The following VPS53 variants were observed in gnomAD, a reference collection of about 807,000 sequenced individuals.
VPS53 encodes the protein vacuolar protein sorting-associated protein 53 homolog.
In VPS53, 70 loss-of-function variants were observed where a neutral mutation model predicts 107.0. That is an observed-to-expected ratio of 0.65 (90% CI 0.54 to 0.80). The LOEUF (loss-of-function observed/expected upper bound fraction) is 0.80. Among genes scored for constraint, VPS53 ranks in the 30% least tolerant of loss-of-function variants. The pLI, the probability that VPS53 is intolerant of heterozygous loss-of-function variation, is 0.00. For synonymous variants in VPS53, 409 were observed against 393.3 expected (o/e 1.04, Z -0.47); for missense variants, 917 against 1,049.4 (o/e 0.87, Z 1.74).
intron 1 of VPS53, among the ~76,000 whole-genome samples, chr17:713,767 TGG>T (rs1973732053): frequency 1.4e-5 from 2 of 147,410 alleles, no homozygotes; most frequent in Admixed American, 6.7e-5. Flanking sequence ...GGGCCGCGCG[TGG>T]TGGCTCACGC....
chr17:640,476 C>T (rs1166437033), intron 7 of VPS53, among the ~76,000 whole-genome samples: 2 of 152,066 alleles, frequency 1.3e-5, no homozygotes, highest in Non-Finnish European at 2.9e-5. Flanking sequence ...AGAAATCACC[C>T]GTCTTCTGCG....
rs1420421808 is a variant in VPS53, at chr17:511,022, T to C, written c.*8106A>G. On this transcript the variant is annotated 3_prime_UTR_variant, in exon 22 of 22. Transcript: ENST00000437048. ...CTGTGTGTAAACTGATGTTTCTTTA[T>C]ACAGCATTTGATATTGGGTGTAGGT... 5 of 152,338 alleles carry C rather than the reference T, an allele frequency of 3.3e-5. No individual in the cohort carries two copies. The highest frequency in any genetic ancestry group is 1.2e-4 in the African/African-American group (5 of 41,398). 9.4% of individuals were successfully genotyped at this position (152,338 alleles called of 1,614,324 possible).
intron 18 of VPS53, 119 bp downstream of exon 18, chr17:536,909 G>A: frequency 2.3e-6 from 3 of 1,310,214 alleles, no homozygotes; most frequent in East Asian, 2.5e-5. Context: ...GGGGGGGTCA[G>A]GTACACGGGA....
chr17:632,034 G>C (rs1969988107), intron 7 of VPS53, among the ~76,000 whole-genome samples: 2 of 152,144 alleles, frequency 1.3e-5, no homozygotes, highest in South Asian at 4.1e-4. Flanking sequence ...GGTCGCTTGA[G>C]ACCAGGATTT....
chr17:681,694 G>A (rs572766821), intron 4 of VPS53, among the ~76,000 whole-genome samples: 2 of 152,240 alleles, frequency 1.3e-5, no homozygotes, highest in East Asian at 3.9e-4. Flanking sequence ...TTTAAACTGG[G>A]TAATTTCTAA....
chr17:637,505 G>A (rs919233011), intron 7 of VPS53, among the ~76,000 whole-genome samples: 1 of 152,088 alleles, frequency 6.6e-6, no homozygotes, highest in African/African-American at 2.4e-5. Context: ...TTTTAATTGT[G>A]ATGTTAGGGT....
chr17:605,706 CAT>C (rs996781955), intron 11 of VPS53, among the ~76,000 whole-genome samples: 1 of 132,980 alleles, frequency 7.5e-6, no homozygotes, highest in African/African-American at 3.0e-5. Context: ...GGAGTCCCAT[CAT>C]ATTGGTGAGT....
chr17:602,928 G>A (rs939699499), intron 11 of VPS53, among the ~76,000 whole-genome samples: 1 of 152,176 alleles, frequency 6.6e-6, no homozygotes, highest in Non-Finnish European at 1.5e-5. Flanking sequence ...GGGGACGAGG[G>A]AAGGGGGCAA....
chr17:672,979 G>T (rs1972023155), intron 4 of VPS53, among the ~76,000 whole-genome samples: 1 of 152,038 alleles, frequency 6.6e-6, no homozygotes, highest in Non-Finnish European at 1.5e-5. Context: ...GGGCGTGGTG[G>T]CGGGCGCCTG....
intron 4 of VPS53, among the ~76,000 whole-genome samples, chr17:688,947 C>G (rs1972685352): frequency 6.6e-6 from 1 of 152,134 alleles, no homozygotes; most frequent in African/African-American, 2.4e-5. Flanking sequence ...AAAATAATAA[C>G]AGAAAAGAAA....
intron 11 of VPS53, among the ~76,000 whole-genome samples, chr17:622,298 A>G (rs2143021350): frequency 6.6e-6 from 1 of 152,292 alleles, no homozygotes; most frequent in Middle Eastern, 3.4e-3. Flanking sequence ...ACTACATTAC[A>G]GCAGAATCGG....
chr17:532,631 C>G, intron 19 of VPS53: 1 of 1,305,050 alleles, frequency 7.7e-7, no homozygotes, highest in Non-Finnish European at 1.0e-6. Flanking sequence ...GTGTTATACC[C>G]TGCACCCAGA....
rs978141501 is a variant in VPS53, at chr17:701,275, A to G, written c.169-1895T>C. 1.1e-4 allele frequency among the ~76,000 whole-genome samples: 16 copies of G among 151,630 alleles called. 1 individual carries two copies. The highest frequency in any genetic ancestry group is 3.9e-4 in the African/African-American group (16 of 41,292). On this transcript the variant is annotated intron_variant, in intron 2 of 21. Coordinates refer to ENST00000437048, the MANE Select transcript of VPS53 (RefSeq NM_001128159.3). The stretch of plus-strand genomic sequence containing the variant: ...CAGAAGGTCGAGGCTGCAGTAAGTC[A>G]TGTTTGCACCACTGCACTCCAGCCT...
chr17:664,138 G>T (rs1971582865), intron 4 of VPS53, among the ~76,000 whole-genome samples: 1 of 152,062 alleles, frequency 6.6e-6, no homozygotes, highest in African/African-American at 2.4e-5. Context: ...GAGTTAAGTG[G>T]CGTGATCTCA....
chr17:656,248 A>C (rs1971182346), intron 5 of VPS53, among the ~76,000 whole-genome samples: 1 of 152,212 alleles, frequency 6.6e-6, no homozygotes, highest in Non-Finnish European at 1.5e-5. Flanking sequence ...TTGAGCACAC[A>C]GGACAGAGGA....
intron 13 of VPS53, among the ~76,000 whole-genome samples, chr17:567,277 A>G (rs975949163): frequency 4.6e-5 from 7 of 152,182 alleles, no homozygotes; most frequent in African/African-American, 1.7e-4. Context: ...CAGGATGTCT[A>G]CTCGGTTACT....
intron 7 of VPS53, among the ~76,000 whole-genome samples, chr17:650,348 T>C (rs1970890860): frequency 1.3e-5 from 2 of 151,774 alleles, no homozygotes; most frequent in African/African-American, 4.8e-5. Flanking sequence ...ATGTTAAAAA[T>C]CAGCCAGGCA....
chr17:666,431 G>C (rs1485432001), intron 4 of VPS53, among the ~76,000 whole-genome samples: 1 of 152,166 alleles, frequency 6.6e-6, no homozygotes, highest in Non-Finnish European at 1.5e-5. Flanking sequence ...TGGGAGGCCA[G>C]GGCGGGTGGA....
In VPS53 at chr17:519,212, G is replaced by A. The variant is rs779479924; in HGVS notation, c.2415C>T (p.Gly805=). 4.6e-5 allele frequency: 72 copies of A among 1,549,698 alleles called. No homozygotes were observed. The African/African-American group carries it at 7.8e-4, about 17-fold the overall frequency. The stretch of plus-strand genomic sequence containing the variant: ...GTGTTGGCGCCGTCAGGGACAGTGA[G>A]CCGGAGCTTTCTGCCCCCGAGGGCG... ...PAPPSGAESS[G]SLSLTAPTPE... Residue 805 remains glycine (G), a synonymous_variant, in exon 22 of 22, where the codon GGC becomes GGT. Coordinates refer to ENST00000437048, the MANE Select transcript of VPS53 (RefSeq NM_001128159.3). The surrounding 1 kb of genome is among the most constrained non-coding windows in gnomAD (Gnocchi z 5.0).
Sources: gnomAD v4.1 joint callset for allele counts (sites outside exome capture counted in the v4.1 genomes callset) on GRCh38, gnomAD v4.1.1 for gene constraint, Gnocchi (gnomAD v3.1) non-coding constraint, MANE v1.5 for transcripts, NCBI Gene and HGNC (gene_info 2026-07-23, HGNC 2026-07-21) for gene names.